Variants in GLT8D2 observed in about 807,000 individuals in gnomAD.
GLT8D2 encodes glycosyltransferase 8 domain containing 2, also known as glycosyltransferase 8 domain-containing protein 2.
In GLT8D2, 45 loss-of-function variants were observed where a neutral mutation model predicts 44.5. The observed-to-expected ratio is 1.01, with a 90% CI of 0.80 to 1.30. The LOEUF is 1.30. Ranked by LOEUF, GLT8D2 falls within the 50% of genes most tolerant of loss-of-function variation. The pLI, the probability that GLT8D2 is intolerant of heterozygous loss-of-function variation, is 0.00. For synonymous variants in GLT8D2, 156 were observed against 157.2 expected (o/e 0.99, Z 0.06); for missense variants, 400 against 430.4 (o/e 0.93, Z 0.62).
At position 104,050,181 on chromosome 12, in the gene GLT8D2, CAG is replaced by C; in HGVS notation, c.-452_-451del. 6.6e-6 allele frequency: 1 copy of C among 152,434 alleles called. No individual in the cohort carries two copies. The highest frequency in any genetic ancestry group is 1.9e-4 in the East Asian group (1 of 5,186). 9.4% of individuals were successfully genotyped at this position (152,434 alleles called of 1,614,324 possible). A position where few individuals can be genotyped will look rare whatever the true frequency, so the allele number is the denominator to read the frequency against. ...GCTGGGAACCCAGGAGTTGCGCTGG[CAG>C]AGAGGGGCGGCCCCAGAAACCACTT... On this transcript the variant is annotated 5_prime_UTR_variant, in exon 1 of 11. Coordinates refer to ENST00000360814, the MANE Select transcript of GLT8D2 (RefSeq NM_001384711.1).
At chr12:104,039,090 A>G (rs1322892734) in intron 1 of GLT8D2, among the ~76,000 whole-genome samples, 1 of 152,204 alleles carries the variant, frequency 6.6e-6, no homozygotes, top group Non-Finnish European at 1.5e-5. Context: ...CTGGCTAGCC[A>G]TACATAGAAA....
chr12:104,025,082 A>AT, intron 1 of GLT8D2, among the ~76,000 whole-genome samples: 1 of 151,962 alleles, frequency 6.6e-6, no homozygotes, highest in African/African-American at 2.4e-5. Flanking sequence ...AAAAAAAAAA[A>AT]AAAAAAAGCC....
In GLT8D2 at chr12:103,994,429, A is replaced by G; in HGVS notation, c.673T>C (p.Ser225Pro). The change falls in exon 9 of 11, where the codon TCT becomes CCT. Residue 225 changes from serine to proline, a missense_variant. Coordinates refer to ENST00000360814, the MANE Select transcript of GLT8D2 (RefSeq NM_001384711.1). Reference sequence around the variant, plus strand: ...GCAACAATCACACCAGGATTGAAAGAGCAGGTGCTGGGGCTGATGCCAAGG... The same window carrying G: ...GCAACAATCACACCAGGATTGAAAGGGCAGGTGCTGGGGCTGATGCCAAGG... ...KDLGISPSTC[S>P]FNPGVIVANM... 3 of 1,614,138 alleles carry G rather than the reference A, an allele frequency of 1.9e-6. No homozygotes were observed. Among genetic ancestry groups the G allele is most frequent in the Non-Finnish European group, 2.5e-6 (3 of 1,179,992 alleles).
intron 1 of GLT8D2, chr12:104,031,044 A>G (rs1879190107): frequency 3.8e-6 from 4 of 1,042,974 alleles, no homozygotes; most frequent in African/African-American, 1.9e-5. Flanking sequence ...CGCCTCAATG[A>G]GCGGCACTAT....
intron 4 of GLT8D2, among the ~76,000 whole-genome samples, 175 bp from the exon 5 acceptor site, chr12:104,003,481 G>T (rs924078383): frequency 2.6e-5 from 4 of 152,036 alleles, no homozygotes; most frequent in African/African-American, 9.7e-5. Context: ...AATTTTAGCT[G>T]GTACATAGCC....
chr12:104,008,666 A>T (rs1875411307), intron 4 of GLT8D2, among the ~76,000 whole-genome samples: 1 of 152,270 alleles, frequency 6.6e-6, no homozygotes, highest in East Asian at 1.9e-4. Context: ...TCTCCAGGGC[A>T]TATCAGAGGG....
intron 3 of GLT8D2, among the ~76,000 whole-genome samples, chr12:104,016,155 T>C (rs1304371532): frequency 1.3e-5 from 2 of 152,338 alleles, no homozygotes; most frequent in Middle Eastern, 3.4e-3. Context: ...CCTTGTCGTG[T>C]TCCAGATGTA....
chr12:104,013,880 A>G (rs1219361822), intron 4 of GLT8D2, among the ~76,000 whole-genome samples: 1 of 152,130 alleles, frequency 6.6e-6, no homozygotes, highest in Non-Finnish European at 1.5e-5. Context: ...AGCTGGGACT[A>G]TAGGCATGCC....
chr12:104,050,818 C>CTTTTTTTTTCCTGTAATTTTACTT (rs1881641240), upstream of GLT8D2, among the ~76,000 whole-genome samples: 1 of 144,410 alleles, frequency 6.9e-6, no homozygotes, highest in African/African-American at 2.6e-5. Context: ...TGTAATTTTA[C>CTTTTTTTTTCCTGTAATTTTACTT]TTTTTTTTTT....
upstream of GLT8D2, among the ~76,000 whole-genome samples, chr12:104,051,039 A>G (rs562186410): frequency 2.0e-5 from 3 of 150,848 alleles, no homozygotes; most frequent in South Asian, 6.3e-4. Context: ...GGTCTCAAAC[A>G]CCTGACCTCA....
chr12:104,004,730 GA>G (rs2136305295), intron 4 of GLT8D2, among the ~76,000 whole-genome samples: 1 of 152,268 alleles, frequency 6.6e-6, no homozygotes, highest in South Asian at 2.1e-4. Flanking sequence ...CGAAATAAAA[GA>G]GGACACAAAC....
chr12:104,012,187 A>ATAT (rs1555278404), intron 4 of GLT8D2, among the ~76,000 whole-genome samples: 61 of 84,726 alleles, frequency 7.2e-4, no homozygotes, highest in South Asian at 3.8e-3. Flanking sequence ...AAAAAAAAAA[A>ATAT]AAATATATAT....
At chr12:104,041,286 C>A (rs532234842) in intron 1 of GLT8D2, among the ~76,000 whole-genome samples, 2 of 152,150 alleles carry the variant, frequency 1.3e-5, no homozygotes, top group African/African-American at 4.8e-5. Context: ...TGGTGACAGG[C>A]GCCTGTAATC....
intron 1 of GLT8D2, chr12:104,029,769 C>T (rs1430862719): frequency 3.3e-5 from 5 of 152,120 alleles, no homozygotes; most frequent in Admixed American, 3.3e-4. Context: ...GGAAATAACT[C>T]CATCTCTCTC....
chr12:104,047,642 G>A (rs1327592076), intron 1 of GLT8D2, among the ~76,000 whole-genome samples: 3 of 152,126 alleles, frequency 2.0e-5, no homozygotes, highest in Non-Finnish European at 4.4e-5. Flanking sequence ...AATCCCATTG[G>A]TGATGGTGCT....
At chr12:104,038,635 G>A (rs961402684) in intron 1 of GLT8D2, among the ~76,000 whole-genome samples, 3 of 151,990 alleles carry the variant, frequency 2.0e-5, no homozygotes, top group Non-Finnish European at 2.9e-5. Flanking sequence ...ACTGCTCAAC[G>A]AAATAAAAGA....
intron 6 of GLT8D2, among the ~76,000 whole-genome samples, chr12:103,998,700 G>A (rs1223761850): frequency 2.6e-5 from 4 of 152,126 alleles, no homozygotes; most frequent in South Asian, 4.1e-4. Context: ...GAGCAACCAC[G>A]CTTGGCCACT....
intron 1 of GLT8D2, among the ~76,000 whole-genome samples, chr12:104,055,476 A>G (rs180953194): frequency 6.6e-6 from 1 of 152,360 alleles, no homozygotes; most frequent in Admixed American, 6.5e-5. Flanking sequence ...TACTCATGGA[A>G]AATCTTGCTA....
intron 3 of GLT8D2, among the ~76,000 whole-genome samples, chr12:104,019,419 C>T (rs544952467): frequency 4.8e-4 from 73 of 152,178 alleles, no homozygotes; most frequent in African/African-American, 1.6e-3. Flanking sequence ...TGAGCCAGTG[C>T]GCCCAGCCGA....
Sources: gnomAD v4.1 joint callset for allele counts (sites outside exome capture counted in the v4.1 genomes callset) on GRCh38, gnomAD v4.1.1 for gene constraint, MANE v1.5 for transcripts, NCBI Gene and HGNC (gene_info 2026-07-23, HGNC 2026-07-21) for gene names.